The following IPO5 variants were observed in gnomAD, a reference collection of about 807,000 sequenced individuals.
IPO5 encodes the protein importin 5.
A neutral mutation model predicts 143.3 loss-of-function variants in IPO5; 18 were observed. That is an observed-to-expected ratio of 0.13 (90% confidence interval 0.09 to 0.19). The LOEUF is 0.19. Among genes scored for constraint, IPO5 ranks in the 10% least tolerant of loss-of-function variants. The pLI is 1.00. For missense variants in IPO5, 1,013 were observed against 1,336.9 expected, an observed-to-expected ratio of 0.76 and a Z score of 3.78; for synonymous variants, 477 against 465.7, an observed-to-expected ratio of 1.02 and a Z score of -0.31.
chr13:97,991,827 A>C (rs766119039), intron 9 of IPO5, among the ~76,000 whole-genome samples: 1 of 152,264 alleles, frequency 6.6e-6, no homozygotes, highest in East Asian at 1.9e-4. Flanking sequence ...TCTCCTTTTT[A>C]TAAATGTCTG....
In IPO5 at chr13:98,011,837, G is replaced by A. The variant is rs116949188; in HGVS notation, c.2056-409G>A. Among the ~76,000 whole-genome samples the A allele has an allele frequency of 1.2e-3, 176 of 152,206 alleles. 3 individuals carry two copies. In the East Asian group the frequency reaches 0.032, roughly 28 times the overall value. On this transcript the variant is annotated intron_variant, in intron 20 of 28. Transcript: ENST00000651721. Reference sequence around the variant, plus strand: ...TTTAAAAATACAAAATAACAGAAGCGTTTTCTACAGATTTACAAAGTAAAT... The same window carrying A: ...TTTAAAAATACAAAATAACAGAAGCATTTTCTACAGATTTACAAAGTAAAT...
At chr13:97,986,123 GA>G (rs141340746) in intron 6 of IPO5, among the ~76,000 whole-genome samples, 83 of 148,592 alleles carry the variant, frequency 5.6e-4, no homozygotes, top group African/African-American at 5.2e-4. Context: ...TCAAAAAAAG[GA>G]AAAAAAAAAT....
chr13:97,954,777 T>C (rs904508364), intron 2 of IPO5, among the ~76,000 whole-genome samples: 16 of 152,226 alleles, frequency 1.1e-4, no homozygotes, highest in African/African-American at 3.9e-4. Flanking sequence ...ATAGAATGTT[T>C]AATTTAGACC....
intron 2 of IPO5, among the ~76,000 whole-genome samples, chr13:97,964,138 T>C (rs1885115357): frequency 6.6e-6 from 1 of 152,208 alleles, no homozygotes; most frequent in Non-Finnish European, 1.5e-5. Context: ...TCCCATTCTG[T>C]AGGCTGCCTG....
At chr13:98,016,697 C>T (rs1476008341) in intron 24 of IPO5, 32 bp from the exon 25 acceptor site, 4 of 1,145,024 alleles carry the variant, frequency 3.5e-6, no homozygotes, top group South Asian at 1.9e-5. Flanking sequence ...CTTTTTAATC[C>T]ATATGAGTGT....
Position 97,989,115 on chromosome 13 carries a change from G to T in IPO5, c.418G>T (p.Val140Phe). The change falls in exon 7 of 29, where the codon GTC becomes TTC. Residue 140 changes from valine to phenylalanine, a missense_variant. This residue lies in a region of IPO5 where 328 missense variants were observed against 342.0 expected (regional missense o/e 0.96). Coordinates refer to ENST00000651721, the MANE Select transcript of IPO5 (RefSeq NM_002271.6). ...PEGLKFLFDS[V>F]SSQNVGLREA... is the part of the protein sequence containing the mutation. ...AGGTTTGAAGTTCCTTTTTGATTCA[G>T]TCAGCTCTCAAAATGTGGGACTGCG... The T allele has an allele frequency of 6.2e-7, 1 of 1,613,772 alleles. No individual in the cohort carries two copies. Among genetic ancestry groups the T allele is most frequent in the Non-Finnish European group, 8.5e-7 (1 of 1,179,740 alleles).
At chr13:97,986,066 G>A (rs911944938) in intron 6 of IPO5, among the ~76,000 whole-genome samples, 7 of 151,866 alleles carry the variant, frequency 4.6e-5, no homozygotes, top group Non-Finnish European at 1.5e-5. Flanking sequence ...AGTAAGCGGT[G>A]ATCACGCTAC....
At chr13:97,997,179 C>T (rs1463127939) in intron 11 of IPO5, among the ~76,000 whole-genome samples, 1 of 152,040 alleles carries the variant, frequency 6.6e-6, no homozygotes, top group African/African-American at 2.4e-5. Context: ...TGAAATAGTA[C>T]TATAATTTTG....
intron 2 of IPO5, chr13:97,960,052 A>G (rs952506327): frequency 6.6e-6 from 1 of 152,236 alleles, no homozygotes; most frequent in Admixed American, 6.5e-5. Flanking sequence ...TACTACACAT[A>G]GGATGCATGG....
chr13:97,977,059 T>C, intron 4 of IPO5: 1 of 179,524 alleles, frequency 5.6e-6, no homozygotes, highest in Non-Finnish European at 1.2e-5. Flanking sequence ...CCCGTCCAGG[T>C]GTGGGGTGCC....
chr13:97,975,099 G>A (rs1260209843), intron 3 of IPO5, among the ~76,000 whole-genome samples: 2 of 152,110 alleles, frequency 1.3e-5, no homozygotes, highest in Non-Finnish European at 1.5e-5. Flanking sequence ...TACTGCCAGC[G>A]GTGTAGAACT....
At chr13:97,970,462 TA>T (rs1050352342) in intron 3 of IPO5, among the ~76,000 whole-genome samples, 1 of 150,494 alleles carries the variant, frequency 6.6e-6, no homozygotes. Context: ...CTACTAAAAA[TA>T]AAAAAAAATT....
Position 97,976,690 on chromosome 13 carries a change from T to G in IPO5, c.-4-3T>G, listed in dbSNP as rs548195569. On this transcript the variant is annotated splice_region_variant and splice_polypyrimidine_tract_variant and intron_variant, in intron 3 of 28. Transcript: ENST00000651721. Reference sequence around the variant, plus strand: ...CCCCTCCCTCCTTCTCTCTCACGCCTAGCGCAATGGCGGCGGCCGCGGCGG... The same window carrying G: ...CCCCTCCCTCCTTCTCTCTCACGCCGAGCGCAATGGCGGCGGCCGCGGCGG... 1 of 1,325,142 alleles carries G rather than the reference T, an allele frequency of 7.5e-7. No homozygotes were observed. Among genetic ancestry groups the G allele is most frequent in the Admixed American group, 2.3e-5 (1 of 43,944 alleles). The allele number at this position is 1,325,142 out of a possible 1,614,324, so 82.1% of individuals were successfully genotyped here.
At chr13:98,009,769 G>A in intron 18 of IPO5, 112 bp from the exon 19 acceptor site, 2 of 796,748 alleles carry the variant, frequency 2.5e-6, no homozygotes, top group East Asian at 2.7e-5. Flanking sequence ...ACTGCTTAAA[G>A]TACTGTGAAC....
chr13:98,001,362 A>C (rs1208826719), intron 13 of IPO5, among the ~76,000 whole-genome samples: 1 of 152,144 alleles, frequency 6.6e-6, no homozygotes, highest in Non-Finnish European at 1.5e-5. Flanking sequence ...TTTTGGTGGA[A>C]TCTCGCTCTG....
At chr13:98,019,453 C>T in intron 26 of IPO5, 128 bp from the exon 27 acceptor site, 1 of 698,156 alleles carries the variant, frequency 1.4e-6, no homozygotes. Context: ...GCCAAGAAGA[C>T]AACACTTCCC....
intron 22 of IPO5, 54 bp from the exon 23 acceptor site, chr13:98,015,476 G>T: frequency 1.1e-6 from 1 of 947,858 alleles, no homozygotes; most frequent in Non-Finnish European, 1.7e-6. Flanking sequence ...GTTTAACTTT[G>T]GACTCCAAAC....
intron 3 of IPO5, among the ~76,000 whole-genome samples, chr13:97,976,214 G>A (rs889231844): frequency 1.3e-5 from 2 of 151,344 alleles, no homozygotes; most frequent in African/African-American, 4.8e-5. Context: ...CCCTTGCCGC[G>A]GCCGGGCCCG....
Position 98,022,010 on chromosome 13 carries a change from A to AC in IPO5, c.*190dup. Reference sequence around the variant, plus strand: ...TGGAGTTTCCATGGATTTCTACCAGACCACTGAAGGAGTTCCTGGAAGCCC... The same window carrying AC: ...TGGAGTTTCCATGGATTTCTACCAGACCCACTGAAGGAGTTCCTGGAAGCCC... On this transcript the variant is annotated 3_prime_UTR_variant, in exon 29 of 29. Transcript: ENST00000651721. The AC allele has an allele frequency of 2.4e-6, 1 of 410,036 alleles. No homozygotes were observed. The highest frequency in any genetic ancestry group is 4.4e-6 in the Non-Finnish European group (1 of 228,474). 25.4% of individuals were successfully genotyped at this position (410,036 alleles called of 1,614,324 possible). A position where few individuals can be genotyped will look rare whatever the true frequency, so the allele number is the denominator to read the frequency against.
Sources: allele counts gnomAD v4.1 joint callset (sites outside exome capture counted in the v4.1 genomes callset), GRCh38; gene constraint gnomAD v4.1.1; regional missense constraint gnomAD v4.1.1; transcripts MANE v1.5; gene names NCBI Gene and HGNC (gene_info 2026-07-23, HGNC 2026-07-21).